The following SBF2 variants were observed in gnomAD, a reference collection of about 807,000 sequenced individuals.
The protein encoded by SBF2 is myotubularin-related protein 13.
Under a neutral mutation model 225.2 loss-of-function variants are expected in SBF2, and 112 were observed. The observed-to-expected ratio is 0.50, with a 90% confidence interval of 0.43 to 0.58. The LOEUF is 0.58. Among genes scored for constraint, SBF2 ranks in the 20% least tolerant of loss-of-function variants. The pLI is 0.00. For missense variants in SBF2, 1,996 were observed against 2,206.2 expected (o/e 0.90, Z 1.91); for synonymous variants, 763 against 773.3 (o/e 0.99, Z 0.22).
chr11:10,086,455 TA>T (rs1951570648), intron 2 of SBF2, among the ~76,000 whole-genome samples: 1 of 152,208 alleles, frequency 6.6e-6, no homozygotes, highest in Admixed American at 6.5e-5. Context: ...AGATAATATA[TA>T]AGTGGCTTGC....
At chr11:10,017,131 A>C (rs1948683631) in intron 6 of SBF2, among the ~76,000 whole-genome samples, 1 of 152,214 alleles carries the variant, frequency 6.6e-6, no homozygotes, top group South Asian at 2.1e-4. Flanking sequence ...ATTTTCTTGA[A>C]AGGTTAGAGT....
At chr11:9,917,452 C>T (rs1863193711) in intron 16 of SBF2, among the ~76,000 whole-genome samples, 1 of 151,536 alleles carries the variant, frequency 6.6e-6, no homozygotes. Flanking sequence ...CTGCCTCAGC[C>T]TCCCTAGTAG....
chr11:9,980,196 G>A (rs1265107147), intron 13 of SBF2, among the ~76,000 whole-genome samples: 1 of 150,314 alleles, frequency 6.7e-6, no homozygotes, highest in Non-Finnish European at 1.5e-5. Flanking sequence ...GGCCAAGCTG[G>A]TCTCGAACTC....
At chr11:9,802,413 T>C (rs1853544537) in intron 32 of SBF2, among the ~76,000 whole-genome samples, 1 of 152,262 alleles carries the variant, frequency 6.6e-6, no homozygotes, top group African/African-American at 2.4e-5. Context: ...TTAAGTTCAG[T>C]GCTTCATCTG....
chr11:9,784,963 C>G (rs1852274711), intron 37 of SBF2, 162 bp downstream of exon 37: 1 of 730,284 alleles, frequency 1.4e-6, no homozygotes, highest in East Asian at 2.7e-5. Context: ...TGTTTTTTGT[C>G]TTTTCAAAGA....
chr11:10,050,553 A>G (rs1950024186), intron 2 of SBF2, among the ~76,000 whole-genome samples: 1 of 152,150 alleles, frequency 6.6e-6, no homozygotes, highest in Non-Finnish European at 1.5e-5. Context: ...TTAGACTATA[A>G]TAAAAGTTAT....
intron 5 of SBF2, among the ~76,000 whole-genome samples, chr11:10,029,552 C>T (rs1360830342): frequency 1.3e-5 from 2 of 152,124 alleles, no homozygotes; most frequent in Non-Finnish European, 2.9e-5. Context: ...AAGATGAACC[C>T]TGTGTTAAAA....
chr11:10,267,963 T>G (rs1438781095), intron 1 of SBF2, among the ~76,000 whole-genome samples: 3 of 152,214 alleles, frequency 2.0e-5, no homozygotes, highest in Admixed American at 2.0e-4. Context: ...CTCATGTGGA[T>G]TTGGGTTTAC....
chr11:9,821,078 C>T (rs1314833632), intron 28 of SBF2, among the ~76,000 whole-genome samples: 3 of 152,144 alleles, frequency 2.0e-5, no homozygotes, highest in Admixed American at 1.3e-4. Context: ...AAGGCACAGA[C>T]CTTTCTCCAG....
chr11:10,018,542 C>T (rs12221716), intron 6 of SBF2, among the ~76,000 whole-genome samples: 5,203 of 152,180 alleles, frequency 0.034, 314 homozygotes, highest in East Asian at 0.18. Flanking sequence ...ACTCTCTTGC[C>T]TTAGAGCATT....
intron 1 of SBF2, among the ~76,000 whole-genome samples, chr11:10,250,949 A>C (rs950840305): frequency 7.9e-5 from 12 of 152,234 alleles, no homozygotes; most frequent in Non-Finnish European, 1.3e-4. Flanking sequence ...CTTAATGTGA[A>C]CAGCTTTTCC....
At chr11:10,277,073 A>C (rs1963006957) in intron 1 of SBF2, among the ~76,000 whole-genome samples, 1 of 151,424 alleles carries the variant, frequency 6.6e-6, no homozygotes, top group Admixed American at 6.6e-5. Flanking sequence ...CTCTACAAAA[A>C]ACTTTAAAAA....
intron 3 of SBF2, among the ~76,000 whole-genome samples, chr11:10,032,377 C>G (rs1336547058): frequency 6.6e-6 from 1 of 152,174 alleles, no homozygotes; most frequent in African/African-American, 2.4e-5. Context: ...AGCCTCCCTT[C>G]ATCTCCTTTA....
At chr11:10,057,965 C>G (rs1398468647) in intron 2 of SBF2, among the ~76,000 whole-genome samples, 2 of 151,846 alleles carry the variant, frequency 1.3e-5, no homozygotes, top group African/African-American at 4.8e-5. Context: ...AGACCCTACA[C>G]AAAGTCCTGG....
At chr11:10,278,783 C>T (rs1289415861) in intron 1 of SBF2, among the ~76,000 whole-genome samples, 4 of 112,798 alleles carry the variant, frequency 3.5e-5, no homozygotes, top group African/African-American at 1.3e-4. Flanking sequence ...GAAACTCCAT[C>T]TCAATAAAAA....
Position 9,896,062 on chromosome 11 carries a change from C to A in SBF2, c.1861-51G>T, listed in dbSNP as rs781274418. 3.6e-6 allele frequency: 5 copies of A among 1,388,200 alleles called. No individual in the cohort carries two copies. In the Admixed American group the frequency reaches 5.0e-5, roughly 14 times the overall value. 86.0% of individuals were successfully genotyped at this position (1,388,200 alleles called of 1,614,324 possible). ...GCATTAGGATATTTACCAGAAATCA[C>A]AAATACATGCGAACTAACATCTGGG... is the stretch of plus-strand genomic sequence containing the variant. On this transcript the variant is annotated intron_variant, in intron 16 of 39. Transcript: ENST00000256190.
At chr11:9,907,384 G>A (rs779881284) in intron 16 of SBF2, among the ~76,000 whole-genome samples, 16 of 151,912 alleles carry the variant, frequency 1.1e-4, no homozygotes, top group Non-Finnish European at 1.6e-4. Context: ...TATCTAATAC[G>A]GTTGAGGAAG....
At chr11:10,043,371 T>C (rs1298512355) in intron 2 of SBF2, among the ~76,000 whole-genome samples, 1 of 152,214 alleles carries the variant, frequency 6.6e-6, no homozygotes, top group Non-Finnish European at 1.5e-5. Flanking sequence ...AATTTCCATA[T>C]GAATCTGAGA....
chr11:10,068,641 G>A (rs1950725769), intron 2 of SBF2, among the ~76,000 whole-genome samples: 1 of 152,070 alleles, frequency 6.6e-6, no homozygotes, highest in Admixed American at 6.6e-5. Context: ...CACCTAAAAT[G>A]TTTAACATAG....
Sources: gnomAD v4.1 joint callset for allele counts (sites outside exome capture counted in the v4.1 genomes callset) on GRCh38, gnomAD v4.1.1 for gene constraint, MANE v1.5 for transcripts, NCBI Gene and HGNC (gene_info 2026-07-23, HGNC 2026-07-21) for gene names.